OTUD7B: variants seen among roughly 807,000 people sequenced by gnomAD.
OTUD7B encodes the protein OTU domain-containing protein 7B.
A neutral mutation model predicts 82.2 loss-of-function variants in OTUD7B; 34 were observed. That is an observed-to-expected ratio of 0.41 (90% CI 0.31 to 0.55). The LOEUF (loss-of-function observed/expected upper bound fraction) is 0.55. OTUD7B is among the 20% of genes least tolerant of loss of function. The probability of loss-of-function intolerance (pLI) is 0.20; values close to 1 mark genes in which losing one functional copy is unlikely to be tolerated. For synonymous variants in OTUD7B, 398 were observed against 402.7 expected (o/e 0.99, Z 0.14); for missense variants, 944 against 1,062.1 (o/e 0.89, Z 1.55).
At chr1:150,048,657 G>A in the OTUD7B span, 1 of 151,842 alleles carries the variant, frequency 6.6e-6, no homozygotes, top group Non-Finnish European at 1.5e-5. Context: ...CCAGCCTGGG[G>A]AAGAGAGTAA....
chr1:150,003,143 G>T (rs764750088), intron 1 of OTUD7B, among the ~76,000 whole-genome samples: 1 of 151,772 alleles, frequency 6.6e-6, no homozygotes, highest in Non-Finnish European at 1.5e-5. Flanking sequence ...CCAGCAACTC[G>T]GGAGGCTGAG....
At chr1:150,055,274 G>A in the OTUD7B span, among the ~76,000 whole-genome samples, 14 of 151,956 alleles carry the variant, frequency 9.2e-5, no homozygotes, top group South Asian at 2.1e-4. Context: ...TCCTGACCTC[G>A]TGATCCACCC....
intron 10 of OTUD7B, among the ~76,000 whole-genome samples, chr1:149,948,380 T>TA (rs1647920004): frequency 6.6e-6 from 1 of 150,644 alleles, no homozygotes; most frequent in East Asian, 1.9e-4. Flanking sequence ...TTCTTTCTTT[T>TA]TTTTTTTTTG....
chr1:149,946,419 G>A lies in OTUD7B; in HGVS notation c.1323+832C>T, dbSNP rs180877469. ...AACAGAGACTGGCTGGAGAGGAGAT[G>A]TGGAAAACAGGAGACTAACGGTTTT... On this transcript the variant is annotated intron_variant, in intron 11 of 11. Coordinates refer to ENST00000581312, the MANE Select transcript of OTUD7B (RefSeq NM_020205.4). Among the ~76,000 whole-genome samples, 396 of 152,130 alleles carry A rather than the reference G, an allele frequency of 2.6e-3. 2 individuals are homozygous for A. The highest frequency in any genetic ancestry group is 9.0e-3 in the African/African-American group (373 of 41,514).
intron 1 of OTUD7B, among the ~76,000 whole-genome samples, chr1:150,002,135 T>C (rs1202546142): frequency 2.6e-5 from 4 of 152,130 alleles, no homozygotes; most frequent in Non-Finnish European, 4.4e-5. Flanking sequence ...GTCCATCAAA[T>C]TTGGGATGTA....
At chr1:149,969,754 A>C (rs1649786089) in intron 3 of OTUD7B, among the ~76,000 whole-genome samples, 1 of 152,210 alleles carries the variant, frequency 6.6e-6, no homozygotes, top group African/African-American at 2.4e-5. Context: ...GCTGGAGAGC[A>C]GTGGTGCAAT....
chr1:149,980,198 AT>A (rs1650619971), intron 1 of OTUD7B, among the ~76,000 whole-genome samples: 1 of 150,806 alleles, frequency 6.6e-6, no homozygotes, highest in Admixed American at 6.7e-5. Flanking sequence ...TAACAAAGTA[AT>A]TTAGAGGTTC....
chr1:149,945,066 C>G lies in OTUD7B; in HGVS notation c.1324-1G>C. ...GGGACTCAGGCTGGGCCAGAGGAGC[C>G]TGGAAGAGACAAGAACACTGTTGAC... On this transcript the variant is annotated splice_acceptor_variant, in intron 11 of 11. Transcript: ENST00000581312. LOFTEE classifies it high-confidence loss of function. The G allele has an allele frequency of 6.2e-7, 1 of 1,611,970 alleles. No individual in the cohort carries two copies. Among genetic ancestry groups the G allele is most frequent in the Non-Finnish European group, 8.5e-7 (1 of 1,179,368 alleles).
At chr1:149,955,894 T>G (rs1648630662) in intron 7 of OTUD7B, among the ~76,000 whole-genome samples, 1 of 152,198 alleles carries the variant, frequency 6.6e-6, no homozygotes, top group Non-Finnish European at 1.5e-5. Context: ...TTGGTAGATC[T>G]TCCTCCATCC....
chr1:149,964,370 G>A (rs782737649), intron 5 of OTUD7B, 21 bp from the exon 6 acceptor site: 6 of 1,609,640 alleles, frequency 3.7e-6, no homozygotes, highest in East Asian at 2.2e-5. Flanking sequence ...AAAGCATAAT[G>A]GTAAGATACC....
chr1:149,945,228 C>G (rs1571583362), intron 11 of OTUD7B, among the ~76,000 whole-genome samples, 163 bp from the exon 12 acceptor site: 1 of 152,292 alleles, frequency 6.6e-6, no homozygotes, highest in Non-Finnish European at 1.5e-5. Flanking sequence ...ACTCCGTCCT[C>G]TGAGTGATTG....
Position 149,944,172 on chromosome 1 carries a change from G to C in OTUD7B, c.2217C>G (p.Pro739=), listed in dbSNP as rs1553771225. 1.9e-6 allele frequency: 3 copies of C among 1,613,814 alleles called. No homozygotes were observed. In the African/African-American group the frequency reaches 4.0e-5, roughly 22 times the overall value. ...AAGGGATGCTGTCCTGGTGGGGGTA[G>C]GGTCGCCCAGGAGGGCACTGTCTGG... ...TFPRQCPPGR[P]YPHQDSIPSL... Residue 739 remains proline, a synonymous_variant, in exon 12 of 12, where the codon CCC becomes CCG. Transcript: ENST00000581312.
In OTUD7B at chr1:149,942,298, T is replaced by G. The variant is rs1461042697; in HGVS notation, c.*1559A>C. On this transcript the variant is annotated 3_prime_UTR_variant, in exon 12 of 12. Coordinates refer to ENST00000581312, the MANE Select transcript of OTUD7B (RefSeq NM_020205.4). Reference sequence around the variant, plus strand: ...GCACCCGGGAGTGTATACAATTGCATAGTTGACTTTTTTTCCCGGAAAAAA... The same window carrying G: ...GCACCCGGGAGTGTATACAATTGCAGAGTTGACTTTTTTTCCCGGAAAAAA... The G allele has an allele frequency of 3.3e-5, 5 of 152,564 alleles. No individual in the cohort carries two copies. Among genetic ancestry groups the G allele is most frequent in the African/African-American group, 1.2e-4 (5 of 41,412 alleles). 9.5% of individuals were successfully genotyped at this position (152,564 alleles called of 1,614,324 possible). A position where few individuals can be genotyped will look rare whatever the true frequency, so the allele number is the denominator to read the frequency against.
Position 149,942,265 on chromosome 1 carries a change from C to T in OTUD7B, c.*1592G>A, listed in dbSNP as rs587728990. The T allele has an allele frequency of 1.3e-5, 2 of 152,746 alleles. No individual in the cohort carries two copies. Among genetic ancestry groups the T allele is most frequent in the South Asian group, 4.1e-4 (2 of 4,832 alleles). The allele number at this position is 152,746 out of a possible 1,614,324, so 9.5% of individuals were successfully genotyped here. On this transcript the variant is annotated 3_prime_UTR_variant, in exon 12 of 12. Coordinates refer to ENST00000581312, the MANE Select transcript of OTUD7B (RefSeq NM_020205.4). ...ACACATAAGTACACTTATTCCCCTT[C>T]TTCACATGCACCCGGGAGTGTATAC...
rs1473423447 is a variant in OTUD7B, at chr1:149,971,140, G to C, written c.197C>G (p.Pro66Arg). The C allele has an allele frequency of 4.3e-6, 7 of 1,613,368 alleles. No individual in the cohort carries two copies. Among genetic ancestry groups the C allele is most frequent in the Non-Finnish European group, 5.9e-6 (7 of 1,179,550 alleles). ...FSEGSGGSRTPEKGFSDREPT... is the reference protein window; with the variant it reads ...FSEGSGGSRTREKGFSDREPT... ...CTCTCTGTCAGAAAACCCTTTTTCAGGGGTCCTGGAGCCACCACTCCCCTC... is the reference window on the plus strand; with the variant it reads ...CTCTCTGTCAGAAAACCCTTTTTCACGGGTCCTGGAGCCACCACTCCCCTC... The change falls in exon 3 of 12, where the codon CCT becomes CGT. Residue 66 changes from proline to arginine, a missense_variant. Transcript: ENST00000581312.
chr1:150,034,575 A>G, the OTUD7B span, among the ~76,000 whole-genome samples: 49 of 152,342 alleles, frequency 3.2e-4, no homozygotes, highest in African/African-American at 1.2e-3. Context: ...CTCCCAGCTG[A>G]CAGAGCTACT....
At position 149,945,007 on chromosome 1, in the gene OTUD7B, G is replaced by A; in HGVS notation, c.1382C>T (p.Thr461Ile). 6.2e-7 allele frequency: 1 copy of A among 1,614,174 alleles called. No individual in the cohort carries two copies. Among genetic ancestry groups the A allele is most frequent in the Non-Finnish European group, 8.5e-7 (1 of 1,180,038 alleles). ...CTTGTCTGAGTCTCCAGACTCAGGA[G>A]TGGACCGGGGCTCATCTCCAGCTGA... ...TASAGDEPRSTPESGDSDKES... is the reference protein window; with the variant it reads ...TASAGDEPRSIPESGDSDKES... Residue 461 changes from threonine (T) to isoleucine (I), a missense_variant, in exon 12 of 12, where the codon ACT becomes ATT. Thr to Ile is a moderately conservative substitution (Grantham distance 89). Around this residue, in one of 3 missense-constraint regions of OTUD7B, gnomAD observed 530 missense variants for 625.6 expected, o/e 0.85. Coordinates refer to ENST00000581312, the MANE Select transcript of OTUD7B (RefSeq NM_020205.4).
At chr1:149,992,835 C>T (rs1449754319) in intron 1 of OTUD7B, among the ~76,000 whole-genome samples, 3 of 152,108 alleles carry the variant, frequency 2.0e-5, no homozygotes, top group Non-Finnish European at 4.4e-5. Context: ...CAACTTTTAA[C>T]ATACTGTATT....
intron 11 of OTUD7B, among the ~76,000 whole-genome samples, chr1:149,945,620 T>C (rs1553771907): frequency 6.6e-6 from 1 of 152,146 alleles, no homozygotes; most frequent in African/African-American, 2.4e-5. Flanking sequence ...ACTCCTGTGC[T>C]CCTGTTCTAA....
Sources: allele counts gnomAD v4.1 joint callset (sites outside exome capture counted in the v4.1 genomes callset), GRCh38; gene constraint gnomAD v4.1.1; regional missense constraint gnomAD v4.1.1; transcripts MANE v1.5; gene names NCBI Gene and HGNC (gene_info 2026-07-23, HGNC 2026-07-21).